The following STMN2 variants were observed in gnomAD, a reference collection of about 807,000 sequenced individuals.
STMN2 encodes the protein stathmin 2, also known as stathmin-2.
In STMN2, 2 loss-of-function variants were observed where a neutral mutation model predicts 24.1. That is an observed-to-expected ratio of 0.08 (90% CI 0.03 to 0.26). STMN2 has a LOEUF of 0.26. STMN2 is among the 10% of genes least tolerant of loss of function. The pLI, the probability that STMN2 is intolerant of heterozygous loss-of-function variation, is 1.00. For missense variants in STMN2, 114 were observed against 213.6 expected, an observed-to-expected ratio of 0.53 and a Z score of 2.91; for synonymous variants, 83 against 77.5, an observed-to-expected ratio of 1.07 and a Z score of -0.37.
intron 3 of STMN2, among the ~76,000 whole-genome samples, chr8:79,646,890 G>A (rs1490142029): frequency 6.6e-6 from 1 of 152,160 alleles, no homozygotes; most frequent in East Asian, 1.9e-4. Context: ...GATCCACAGA[G>A]GCGAGAATGC....
chr8:79,617,415 A>G (rs902886507), intron 1 of STMN2, among the ~76,000 whole-genome samples: 1 of 152,240 alleles, frequency 6.6e-6, no homozygotes, highest in African/African-American at 2.4e-5. Flanking sequence ...GGCACTAAAA[A>G]CATGATCCCA....
At chr8:79,635,231 G>A (rs1387403836) in intron 1 of STMN2, among the ~76,000 whole-genome samples, 1 of 152,136 alleles carries the variant, frequency 6.6e-6, no homozygotes, top group Non-Finnish European at 1.5e-5. Context: ...TGACAATCTG[G>A]ACTCTTGCAA....
intron 1 of STMN2, among the ~76,000 whole-genome samples, chr8:79,634,022 A>C (rs901147512): frequency 6.6e-6 from 1 of 152,188 alleles, no homozygotes; most frequent in Non-Finnish European, 1.5e-5. Flanking sequence ...GTGAGATGGA[A>C]AATCTTTTAT....
At chr8:79,641,596 C>A in intron 3 of STMN2, 46 bp downstream of exon 3, 1 of 1,546,234 alleles carries the variant, frequency 6.5e-7, no homozygotes, top group Non-Finnish European at 8.8e-7. Flanking sequence ...CTCCCCTGCT[C>A]CTCCCTCTCA....
intron 1 of STMN2, among the ~76,000 whole-genome samples, chr8:79,619,701 C>T (rs1303622975): frequency 6.6e-6 from 1 of 151,966 alleles, no homozygotes; most frequent in African/African-American, 2.4e-5. Flanking sequence ...TTTTTATTTC[C>T]AACAAAAATA....
intron 4 of STMN2, 23 bp from the exon 5 acceptor site, chr8:79,664,792 C>T (rs778390088): frequency 1.8e-5 from 29 of 1,610,644 alleles, no homozygotes; most frequent in South Asian, 1.8e-4. Context: ...TGTGACATTT[C>T]TTCTTCCTTT....
chr8:79,614,938 C>T (rs1809349517), intron 1 of STMN2, among the ~76,000 whole-genome samples: 2 of 152,114 alleles, frequency 1.3e-5, no homozygotes, highest in Admixed American at 1.3e-4. Flanking sequence ...CATCAAATAG[C>T]TCATTCTCAG....
chr8:79,614,642 T>A (rs1809341267), intron 1 of STMN2, among the ~76,000 whole-genome samples: 1 of 152,204 alleles, frequency 6.6e-6, no homozygotes, highest in South Asian at 2.1e-4. Context: ...TATTTTAAAA[T>A]GATAATTAAG....
chr8:79,647,566 GTCCCCACC>G (rs1041469591), intron 3 of STMN2, among the ~76,000 whole-genome samples: 2 of 152,158 alleles, frequency 1.3e-5, no homozygotes, highest in African/African-American at 4.8e-5. Flanking sequence ...TTTTGGCAAT[GTCCCCACC>G]TCCCCATTCC....
At chr8:79,622,116 G>T (rs1809528150) in intron 1 of STMN2, among the ~76,000 whole-genome samples, 1 of 151,984 alleles carries the variant, frequency 6.6e-6, no homozygotes, top group Non-Finnish European at 1.5e-5. Flanking sequence ...TTAGAGGTGG[G>T]CGTGGGTATC....
At chr8:79,643,479 A>G (rs1346079509) in intron 3 of STMN2, among the ~76,000 whole-genome samples, 1 of 152,102 alleles carries the variant, frequency 6.6e-6, no homozygotes, top group Non-Finnish European at 1.5e-5. Flanking sequence ...AGGTCGACAT[A>G]TATTGAGATG....
chr8:79,614,921 T>A (rs1380900270), intron 1 of STMN2, among the ~76,000 whole-genome samples: 2 of 152,260 alleles, frequency 1.3e-5, no homozygotes, highest in African/African-American at 4.8e-5. Context: ...TGGCACAATA[T>A]GACTTCCATC....
intron 1 of STMN2, among the ~76,000 whole-genome samples, chr8:79,624,134 T>G (rs1160738848): frequency 1.3e-5 from 2 of 152,108 alleles, no homozygotes; most frequent in Non-Finnish European, 2.9e-5. Context: ...GGTTATGGAT[T>G]GTGGCAAGCT....
At chr8:79,641,036 C>T (rs1413621269) in intron 2 of STMN2, among the ~76,000 whole-genome samples, 1 of 152,136 alleles carries the variant, frequency 6.6e-6, no homozygotes, top group Non-Finnish European at 1.5e-5. Context: ...ACTTGATTTT[C>T]ATGCAAAGCT....
At chr8:79,649,505 GAC>G (rs1810287892) in intron 3 of STMN2, among the ~76,000 whole-genome samples, 1 of 151,878 alleles carries the variant, frequency 6.6e-6, no homozygotes, top group African/African-American at 2.4e-5. Flanking sequence ...ATTTCAACAG[GAC>G]ATTATTTGTG....
intron 4 of STMN2, among the ~76,000 whole-genome samples, chr8:79,659,801 T>C (rs887981771): frequency 3.3e-5 from 5 of 152,200 alleles, no homozygotes; most frequent in Admixed American, 1.3e-4. Context: ...TTCACACTTA[T>C]GTCACATTAG....
At chr8:79,652,120 G>T (rs1312874796) in intron 3 of STMN2, among the ~76,000 whole-genome samples, 3 of 152,172 alleles carry the variant, frequency 2.0e-5, no homozygotes, top group African/African-American at 7.2e-5. Flanking sequence ...TGATTTTAAA[G>T]CACGGCACTT....
chr8:79,638,886 G>T (rs1045316978), intron 2 of STMN2, among the ~76,000 whole-genome samples: 1 of 151,834 alleles, frequency 6.6e-6, no homozygotes, highest in African/African-American at 2.4e-5. Context: ...TTATTTGCCC[G>T]TGTTCTCTTA....
At chr8:79,624,678 T>C (rs986361074) in intron 1 of STMN2, among the ~76,000 whole-genome samples, 1 of 152,156 alleles carries the variant, frequency 6.6e-6, no homozygotes, top group Non-Finnish European at 1.5e-5. Context: ...ATTTTAGAAG[T>C]GAACTATGAA....
Sources: gnomAD v4.1 joint callset for allele counts (sites outside exome capture counted in the v4.1 genomes callset) on GRCh38, gnomAD v4.1.1 for gene constraint, MANE v1.5 for transcripts, NCBI Gene and HGNC (gene_info 2026-07-23, HGNC 2026-07-21) for gene names.